Variants in PTPRD observed in about 807,000 individuals in gnomAD.
The protein encoded by PTPRD is protein tyrosine phosphatase receptor type D.
A neutral mutation model predicts 214.5 loss-of-function variants in PTPRD; 34 were observed. That is an observed-to-expected ratio of 0.16 (90% CI 0.12 to 0.21). The LOEUF is 0.21. PTPRD is among the 10% of genes least tolerant of loss of function. The pLI, the probability that PTPRD is intolerant of heterozygous loss-of-function variation, is 1.00. For synonymous variants in PTPRD, 1,128 were observed against 845.7 expected, an observed-to-expected ratio of 1.33 and a Z score of -5.79; for missense variants, 2,545 against 2,398.7, an observed-to-expected ratio of 1.06 and a Z score of -1.27.
chr9:9,776,759 AC>A lies in PTPRD; in HGVS notation c.-367-9909del, dbSNP rs1368610751. On this transcript the variant is annotated intron_variant, in intron 5 of 45. Transcript: ENST00000381196. Reference sequence around the variant, plus strand: ...TTTTTTTCAAAACCTTAAATTGAAAACAAAAGGAAGATCAATATAGTCTCAT... The same window carrying A: ...TTTTTTTCAAAACCTTAAATTGAAAAAAAAGGAAGATCAATATAGTCTCAT... Among the ~76,000 whole-genome samples the A allele has an allele frequency of 3.9e-5, 6 of 152,318 alleles. No homozygotes were observed. In the East Asian group the frequency reaches 9.6e-4, roughly 24 times the overall value.
At chr9:10,004,111 C>G (rs1386634807) in intron 4 of PTPRD, among the ~76,000 whole-genome samples, 1 of 151,340 alleles carries the variant, frequency 6.6e-6, no homozygotes, top group African/African-American at 2.4e-5. Flanking sequence ...CAGCATGTGG[C>G]TACAAAAAAG....
intron 5 of PTPRD, among the ~76,000 whole-genome samples, chr9:9,883,516 T>G (rs1006131635): frequency 6.6e-6 from 1 of 152,148 alleles, no homozygotes; most frequent in South Asian, 2.1e-4. Context: ...TTTCAGGTAC[T>G]TCCCGGTTTT....
At chr9:9,748,137 T>C (rs1457755094) in intron 6 of PTPRD, among the ~76,000 whole-genome samples, 2 of 152,212 alleles carry the variant, frequency 1.3e-5, no homozygotes, top group African/African-American at 4.8e-5. Flanking sequence ...ACTGGTTCAC[T>C]GCTGTAAAAT....
intron 3 of PTPRD, among the ~76,000 whole-genome samples, chr9:10,297,329 C>G (rs2095709512): frequency 6.6e-6 from 1 of 151,736 alleles, no homozygotes; most frequent in Non-Finnish European, 1.5e-5. Context: ...TTACAAGAAA[C>G]TGTACCATTT....
At chr9:8,422,088 C>T (rs1390514671) in intron 35 of PTPRD, among the ~76,000 whole-genome samples, 1 of 134,008 alleles carries the variant, frequency 7.5e-6, no homozygotes, top group East Asian at 2.3e-4. Flanking sequence ...CAGAGGCTGC[C>T]GTGAACCCTG....
chr9:8,593,814 A>G (rs1207361518), intron 14 of PTPRD, among the ~76,000 whole-genome samples: 1 of 152,230 alleles, frequency 6.6e-6, no homozygotes, highest in Non-Finnish European at 1.5e-5. Flanking sequence ...TGGCCTCCAG[A>G]GAACCATCAT....
chr9:9,434,499 C>G (rs1373247455), intron 8 of PTPRD, among the ~76,000 whole-genome samples: 2 of 152,130 alleles, frequency 1.3e-5, no homozygotes, highest in African/African-American at 4.8e-5. Flanking sequence ...ATACCAACTT[C>G]TTCACAGAAA....
intron 2 of PTPRD, among the ~76,000 whole-genome samples, chr9:10,394,234 T>C (rs1438817321): frequency 6.8e-6 from 1 of 146,600 alleles, no homozygotes; most frequent in Non-Finnish European, 1.5e-5. Context: ...ATTTCTATTA[T>C]ATATAATATA....
intron 11 of PTPRD, among the ~76,000 whole-genome samples, chr9:8,814,389 G>A (rs371741546): frequency 1.8e-4 from 27 of 152,130 alleles, no homozygotes; most frequent in East Asian, 1.3e-3. Flanking sequence ...AGGAAACAGA[G>A]GAGGGTGAGA....
chr9:8,748,144 T>C (rs1420831567), intron 11 of PTPRD, among the ~76,000 whole-genome samples: 1 of 152,016 alleles, frequency 6.6e-6, no homozygotes, highest in Non-Finnish European at 1.5e-5. Flanking sequence ...GTTAGAGCGG[T>C]TGTCAGCCAA....
At chr9:8,706,421 T>A (rs1353705653) in intron 12 of PTPRD, among the ~76,000 whole-genome samples, 3 of 152,190 alleles carry the variant, frequency 2.0e-5, no homozygotes, top group South Asian at 2.1e-4. Flanking sequence ...TATGGAAGCA[T>A]CTCACATTTC....
At chr9:10,585,158 A>G (rs2073479202) in intron 2 of PTPRD, among the ~76,000 whole-genome samples, 2 of 152,228 alleles carry the variant, frequency 1.3e-5, no homozygotes, top group East Asian at 3.9e-4. Context: ...AGAATTACAC[A>G]AATAGTGATG....
intron 12 of PTPRD, among the ~76,000 whole-genome samples, chr9:8,715,285 T>A (rs141046786): frequency 2.0e-5 from 3 of 152,256 alleles, no homozygotes; most frequent in Admixed American, 2.0e-4. Flanking sequence ...CAGTTAATTC[T>A]CACACAACAC....
intron 3 of PTPRD, among the ~76,000 whole-genome samples, chr9:10,125,598 G>A (rs1332865165): frequency 6.7e-6 from 1 of 150,262 alleles, no homozygotes; most frequent in African/African-American, 2.4e-5. Context: ...GGGATTACAG[G>A]CGTGCGCTAC....
At chr9:9,862,039 A>T (rs1270470502) in intron 5 of PTPRD, among the ~76,000 whole-genome samples, 1 of 152,188 alleles carries the variant, frequency 6.6e-6, no homozygotes, top group African/African-American at 2.4e-5. Flanking sequence ...CTGATTCTTA[A>T]GAATAGATTT....
At chr9:9,595,753 A>G (rs2154332713) in intron 7 of PTPRD, among the ~76,000 whole-genome samples, 1 of 152,026 alleles carries the variant, frequency 6.6e-6, no homozygotes, top group Non-Finnish European at 1.5e-5. Context: ...TGATGATGCA[A>G]AGACATAAGA....
In PTPRD at chr9:8,461,269, G is replaced by T. The variant is rs1366468940; in HGVS notation, c.3715-698C>A. Among the ~76,000 whole-genome samples, 9 of 152,134 alleles carry T rather than the reference G, an allele frequency of 5.9e-5. No individual in the cohort carries two copies. The East Asian group carries it at 1.2e-3, about 20-fold the overall frequency. ...AATATAGAATTTTTAGAACTTAAAA[G>T]AATTCAGCAGTTCTCACTTAGTTTT... On this transcript the variant is annotated intron_variant, in intron 32 of 45. Transcript: ENST00000381196.
At chr9:10,327,603 T>C (rs2096667992) in intron 3 of PTPRD, among the ~76,000 whole-genome samples, 1 of 151,676 alleles carries the variant, frequency 6.6e-6, no homozygotes, top group Non-Finnish European at 1.5e-5. Context: ...CTTGCATAAA[T>C]TAAATATATA....
chr9:9,208,961 A>G (rs2099946749), intron 9 of PTPRD, among the ~76,000 whole-genome samples: 1 of 152,056 alleles, frequency 6.6e-6, no homozygotes, highest in Non-Finnish European at 1.5e-5. Flanking sequence ...GCGCCCGCCA[A>G]TATGCCTGGC....
Sources: gnomAD v4.1 joint callset for allele counts (sites outside exome capture counted in the v4.1 genomes callset) on GRCh38, gnomAD v4.1.1 for gene constraint, MANE v1.5 for transcripts, NCBI Gene and HGNC (gene_info 2026-07-23, HGNC 2026-07-21) for gene names.